The following FILIP1L variants were observed in gnomAD, a reference collection of about 807,000 sequenced individuals.
FILIP1L encodes the protein filamin A interacting protein 1 like.
Under a neutral mutation model 96.6 loss-of-function variants are expected in FILIP1L, and 55 were observed. The ratio of observed to expected loss-of-function variants is 0.57; its 90% CI spans 0.46 to 0.71. The LOEUF (loss-of-function observed/expected upper bound fraction) is 0.71, where lower values mean the gene tolerates loss of function less well. FILIP1L is among the 30% of genes least tolerant of loss of function. FILIP1L has a pLI of 0.00. For missense variants in FILIP1L, 1,304 were observed against 1,321.2 expected (o/e 0.99, Z 0.20); for synonymous variants, 467 against 473.9 (o/e 0.99, Z 0.19).
intron 1 of FILIP1L, among the ~76,000 whole-genome samples, chr3:100,018,969 G>A (rs1710424843): frequency 6.6e-6 from 1 of 152,072 alleles, no homozygotes; most frequent in African/African-American, 2.4e-5. Context: ...AATCATCAAG[G>A]AAATATAAAT....
chr3:99,848,133 T>C, intron 5 of FILIP1L, 162 bp downstream of exon 5: 3 of 1,485,752 alleles, frequency 2.0e-6, no homozygotes, highest in Non-Finnish European at 2.7e-6. Flanking sequence ...AACAGTTAGT[T>C]TCAGATACTC....
chr3:99,830,723 G>T (rs1195478346), intron 5 of FILIP1L, 118 bp from the exon 6 acceptor site: 1 of 393,264 alleles, frequency 2.5e-6, no homozygotes, highest in African/African-American at 2.1e-5. Flanking sequence ...AGTTTCTGGG[G>T]ATGTATCAGA....
intron 4 of FILIP1L, among the ~76,000 whole-genome samples, chr3:99,904,456 C>A (rs965476312): frequency 2.0e-5 from 3 of 152,080 alleles, no homozygotes; most frequent in Non-Finnish European, 4.4e-5. Context: ...TAAAATAGAG[C>A]TTTTTAAAAA....
intron 1 of FILIP1L, among the ~76,000 whole-genome samples, chr3:100,076,087 G>A (rs2065845740): frequency 6.6e-6 from 1 of 152,122 alleles, no homozygotes; most frequent in Non-Finnish European, 1.5e-5. Flanking sequence ...ATGCTTCCTG[G>A]AAACTCACTG....
chr3:100,081,856 T>G (rs2065936959), intron 1 of FILIP1L, among the ~76,000 whole-genome samples: 1 of 152,214 alleles, frequency 6.6e-6, no homozygotes, highest in South Asian at 2.1e-4. Flanking sequence ...TTTAGCAGCA[T>G]CCTTGGCCTC....
In FILIP1L at chr3:99,848,187, C is replaced by CA. The variant is rs1450203950; in HGVS notation, c.3381+107dup. On this transcript the variant is annotated intron_variant, in intron 5 of 5. Coordinates refer to ENST00000477258, the MANE Select transcript of FILIP1L (RefSeq NM_001387850.1). ...AACCTTCCCAAAGTACGAGTTCAGT[C>CA]AGTCTTGGGGGATATGGAGGGATGA... is the stretch of plus-strand genomic sequence containing the variant. 4 of 1,540,238 alleles carry CA rather than the reference C, an allele frequency of 2.6e-6. No individual in the cohort carries two copies. In the African/African-American group the frequency reaches 5.5e-5, roughly 21 times the overall value.
At chr3:99,885,925 C>T (rs1485518051) in intron 4 of FILIP1L, among the ~76,000 whole-genome samples, 3 of 152,158 alleles carry the variant, frequency 2.0e-5, no homozygotes, top group Admixed American at 6.5e-5. Flanking sequence ...ATCTTTTCAG[C>T]GAGTCATGGT....
chr3:99,872,269 CTGTGTG>C (rs55727823), intron 4 of FILIP1L, among the ~76,000 whole-genome samples: 3,005 of 110,802 alleles, frequency 0.027, 51 homozygotes, highest in African/African-American at 0.045. Flanking sequence ...TGTGCCAGGA[CTGTGTG>C]TGTGTGTGTG....
chr3:100,102,235 C>T (rs1409978858), intron 1 of FILIP1L, among the ~76,000 whole-genome samples: 3 of 152,134 alleles, frequency 2.0e-5, no homozygotes, highest in Non-Finnish European at 4.4e-5. Flanking sequence ...ACAGTCCCAT[C>T]AACAGTGTAA....
intron 4 of FILIP1L, among the ~76,000 whole-genome samples, chr3:99,875,750 C>G (rs970738170): frequency 1.3e-5 from 2 of 152,164 alleles, no homozygotes; most frequent in African/African-American, 4.8e-5. Context: ...TAGTCTCCCC[C>G]ACCCTTTCCC....
At chr3:100,034,806 A>C (rs2065079243) in intron 1 of FILIP1L, among the ~76,000 whole-genome samples, 1 of 152,174 alleles carries the variant, frequency 6.6e-6, no homozygotes, top group Non-Finnish European at 1.5e-5. Context: ...TGAAATATGC[A>C]GCCTTAGGAG....
At chr3:99,878,777 A>G (rs1165744826) in intron 4 of FILIP1L, among the ~76,000 whole-genome samples, 1 of 152,224 alleles carries the variant, frequency 6.6e-6, no homozygotes, top group Non-Finnish European at 1.5e-5. Flanking sequence ...TAACTGATAC[A>G]AGAGTACCCT....
rs557744536 is a variant in FILIP1L, at chr3:100,056,077, G to A, written c.-11+57976C>T. Among the ~76,000 whole-genome samples the A allele has an allele frequency of 8.5e-5, 13 of 152,318 alleles. No homozygotes were observed. The South Asian group carries it at 2.5e-3, about 29-fold the overall frequency. On this transcript the variant is annotated intron_variant, in intron 1 of 5. Coordinates refer to ENST00000477258, the MANE Select transcript of FILIP1L (RefSeq NM_001387850.1). ...TATTTGCTCAAAGTAGCATAAAAGTGCAAGCTATGGTATACCAAGGTCTTA... is the reference window on the plus strand; with the variant it reads ...TATTTGCTCAAAGTAGCATAAAAGTACAAGCTATGGTATACCAAGGTCTTA...
intron 4 of FILIP1L, among the ~76,000 whole-genome samples, chr3:99,857,697 G>A (rs908282820): frequency 2.6e-5 from 4 of 152,250 alleles, no homozygotes; most frequent in Admixed American, 6.5e-5. Context: ...GCAATAAAAC[G>A]AATTCCACAA....
At chr3:99,946,689 G>A (rs144128967) in intron 1 of FILIP1L, among the ~76,000 whole-genome samples, 1,760 of 152,260 alleles carry the variant, frequency 0.012, 19 homozygotes, top group African/African-American at 0.026. Context: ...GGTATTTGAG[G>A]GATGATTGTA....
chr3:100,059,346 A>G (rs2065519879), intron 1 of FILIP1L, among the ~76,000 whole-genome samples: 1 of 152,172 alleles, frequency 6.6e-6, no homozygotes, highest in East Asian at 1.9e-4. Context: ...TTTTGAGACA[A>G]TGAAAAATGC....
At chr3:99,934,165 A>G (rs1707582953) in intron 1 of FILIP1L, among the ~76,000 whole-genome samples, 1 of 152,178 alleles carries the variant, frequency 6.6e-6, no homozygotes. Flanking sequence ...GAAGCTCCCA[A>G]CATCTCATTT....
intron 1 of FILIP1L, among the ~76,000 whole-genome samples, chr3:100,092,799 C>T (rs2066133586): frequency 6.6e-6 from 1 of 151,532 alleles, no homozygotes; most frequent in Non-Finnish European, 1.5e-5. Flanking sequence ...AATTAAGTGA[C>T]TAAGGATCAG....
At chr3:100,040,064 A>G (rs1318581836) in intron 1 of FILIP1L, 1 of 152,092 alleles carries the variant, frequency 6.6e-6, no homozygotes, top group African/African-American at 2.4e-5. Context: ...CATAGTTAAC[A>G]ACTTTCTTGA....
Sources: allele counts gnomAD v4.1 joint callset (sites outside exome capture counted in the v4.1 genomes callset), GRCh38; gene constraint gnomAD v4.1.1; transcripts MANE v1.5; gene names NCBI Gene and HGNC (gene_info 2026-07-23, HGNC 2026-07-21).